PAG1: variants seen among roughly 807,000 people sequenced by gnomAD.
PAG1 encodes the protein phosphoprotein associated with glycosphingolipid-enriched microdomains 1.
Under a neutral mutation model 31.7 loss-of-function variants are expected in PAG1, and 23 were observed. That is an observed-to-expected ratio of 0.73 (90% CI 0.52 to 1.03). The LOEUF is 1.03. Ranked by LOEUF, PAG1 falls within the 50% of genes least tolerant of loss-of-function variation. PAG1 has a pLI of 0.00. For synonymous variants in PAG1, 214 were observed against 210.3 expected, an observed-to-expected ratio of 1.02 and a Z score of -0.15; for missense variants, 473 against 540.7, an observed-to-expected ratio of 0.87 and a Z score of 1.24.
intron 1 of PAG1, among the ~76,000 whole-genome samples, chr8:81,102,652 A>G (rs995116917): frequency 6.6e-6 from 1 of 152,234 alleles, no homozygotes; most frequent in Admixed American, 6.5e-5. Flanking sequence ...ATTACTGTAT[A>G]TTAACAGCTA....
intron 2 of PAG1, among the ~76,000 whole-genome samples, chr8:81,062,941 C>T (rs1434016937): frequency 6.6e-6 from 1 of 152,086 alleles, no homozygotes; most frequent in African/African-American, 2.4e-5. Flanking sequence ...TCCTGTTTGG[C>T]AAAGTGCTAT....
Position 80,973,517 on chromosome 8 carries a change from T to C in PAG1, c.*3027A>G, listed in dbSNP as rs926498049. On this transcript the variant is annotated 3_prime_UTR_variant, in exon 9 of 9. Transcript: ENST00000220597. ...ACAAAGATCCTACTTTTAACTGAGA[T>C]AGATTTATAATTCTTACTTACAAGA... The C allele has an allele frequency of 6.6e-6, 1 of 152,202 alleles. No homozygotes were observed. Among genetic ancestry groups the C allele is most frequent in the African/African-American group, 2.4e-5 (1 of 41,448 alleles). 9.4% of individuals were successfully genotyped at this position (152,202 alleles called of 1,614,324 possible). A position where few individuals can be genotyped will look rare whatever the true frequency, so the allele number is the denominator to read the frequency against.
chr8:81,027,894 G>T (rs1808310534), intron 3 of PAG1, among the ~76,000 whole-genome samples: 1 of 134,888 alleles, frequency 7.4e-6, no homozygotes, highest in African/African-American at 2.9e-5. Context: ...GACAGAGCAG[G>T]ACTCCGTCTC....
chr8:81,073,968 C>T (rs1423813466), intron 1 of PAG1, among the ~76,000 whole-genome samples: 4 of 152,194 alleles, frequency 2.6e-5, no homozygotes, highest in African/African-American at 9.7e-5. Flanking sequence ...CCACCTTGGG[C>T]ACCCCTCAGA....
At chr8:81,044,789 C>T (rs1340290684) in intron 2 of PAG1, among the ~76,000 whole-genome samples, 1 of 152,118 alleles carries the variant, frequency 6.6e-6, no homozygotes, top group African/African-American at 2.4e-5. Flanking sequence ...TTTCCTATGT[C>T]AGTGCATTTG....
At chr8:81,071,375 C>T (rs1007258709) in intron 1 of PAG1, among the ~76,000 whole-genome samples, 6 of 152,302 alleles carry the variant, frequency 3.9e-5, no homozygotes, top group South Asian at 2.1e-4. Context: ...CCACACACAA[C>T]GAAGAAAGGC....
intron 4 of PAG1, among the ~76,000 whole-genome samples, chr8:80,991,948 T>G (rs1243595574): frequency 6.6e-6 from 1 of 152,088 alleles, no homozygotes; most frequent in African/African-American, 2.4e-5. Context: ...ATACAGATTT[T>G]TGGCACGCCA....
chr8:81,006,332 G>C (rs1807876885), intron 3 of PAG1, among the ~76,000 whole-genome samples: 1 of 152,232 alleles, frequency 6.6e-6, no homozygotes, highest in South Asian at 2.1e-4. Flanking sequence ...TCTCGTGCTT[G>C]TGAGTCCTGC....
At chr8:80,986,118 C>T (rs886911445) in intron 6 of PAG1, among the ~76,000 whole-genome samples, 1 of 152,166 alleles carries the variant, frequency 6.6e-6, no homozygotes, top group African/African-American at 2.4e-5. Flanking sequence ...AAGCCCTGCC[C>T]TTAGGATGCA....
intron 1 of PAG1, among the ~76,000 whole-genome samples, chr8:81,073,019 C>T (rs1586202916): frequency 6.6e-6 from 1 of 152,328 alleles, no homozygotes; most frequent in African/African-American, 2.4e-5. Context: ...TATGCCTTTC[C>T]TTCACTTTCA....
intron 2 of PAG1, among the ~76,000 whole-genome samples, chr8:81,057,573 G>A (rs1252312220): frequency 7.4e-6 from 1 of 134,530 alleles, no homozygotes; most frequent in Non-Finnish European, 1.6e-5. Flanking sequence ...TCGTGGGGTC[G>A]GGGGAGGGGG....
chr8:81,017,152 T>G (rs1808086246), intron 3 of PAG1, among the ~76,000 whole-genome samples: 1 of 152,246 alleles, frequency 6.6e-6, no homozygotes, highest in African/African-American at 2.4e-5. Context: ...AAGGTTGTTA[T>G]GAAGCAACAG....
At chr8:80,982,641 C>T (rs1190015371) in intron 7 of PAG1, among the ~76,000 whole-genome samples, 1 of 152,216 alleles carries the variant, frequency 6.6e-6, no homozygotes, top group African/African-American at 2.4e-5. Flanking sequence ...ATAAGCTCTA[C>T]TTGGAAGTCC....
chr8:81,037,640 T>A lies in PAG1; in HGVS notation c.-174-7551A>T, dbSNP rs77152952. On this transcript the variant is annotated intron_variant, in intron 2 of 8. Coordinates refer to ENST00000220597, the MANE Select transcript of PAG1 (RefSeq NM_018440.4). Reference sequence around the variant, plus strand: ...AGTACTTAAATGTTGCTTTAGTGAATAGAAGACATATAAATTGACTCCTCT... The same window carrying A: ...AGTACTTAAATGTTGCTTTAGTGAAAAGAAGACATATAAATTGACTCCTCT... Among the ~76,000 whole-genome samples the A allele has an allele frequency of 5.2e-3, 799 of 152,340 alleles. 2 individuals carry two copies. Among genetic ancestry groups the A allele is most frequent in the Non-Finnish European group, 8.1e-3 (549 of 68,030 alleles).
intron 3 of PAG1, among the ~76,000 whole-genome samples, chr8:81,002,659 C>T (rs1014108056): frequency 6.6e-6 from 1 of 152,124 alleles, no homozygotes; most frequent in African/African-American, 2.4e-5. Context: ...AATATTGTAC[C>T]CAGCAATGGC....
intron 3 of PAG1, among the ~76,000 whole-genome samples, chr8:80,998,541 T>C (rs988585255): frequency 6.6e-6 from 1 of 151,982 alleles, no homozygotes; most frequent in Non-Finnish European, 1.5e-5. Context: ...GCTTGGCATT[T>C]GAATTGTCTT....
At chr8:81,002,074 C>T (rs1280546575) in intron 3 of PAG1, among the ~76,000 whole-genome samples, 1 of 152,218 alleles carries the variant, frequency 6.6e-6, no homozygotes, top group East Asian at 1.9e-4. Context: ...TTACAAACAT[C>T]CCACCAGCTT....
At chr8:81,074,759 G>T (rs762744826) in intron 1 of PAG1, among the ~76,000 whole-genome samples, 47 of 152,240 alleles carry the variant, frequency 3.1e-4, no homozygotes, top group Admixed American at 4.6e-4. Context: ...TCTGCACCAT[G>T]CTGGCTCAAT....
chr8:81,090,838 C>T (rs971500405), intron 1 of PAG1, among the ~76,000 whole-genome samples: 4 of 152,162 alleles, frequency 2.6e-5, no homozygotes, highest in Admixed American at 2.0e-4. Context: ...TCGCAAAAGA[C>T]TCTATGCCAC....
Sources: gnomAD v4.1 joint callset for allele counts (sites outside exome capture counted in the v4.1 genomes callset) on GRCh38, gnomAD v4.1.1 for gene constraint, MANE v1.5 for transcripts, NCBI Gene and HGNC (gene_info 2026-07-23, HGNC 2026-07-21) for gene names.